KLHDC2: variants seen among roughly 807,000 people sequenced by gnomAD.
KLHDC2 encodes the protein kelch domain-containing protein 2.
KLHDC2 carries 38 observed loss-of-function variants against 62.3 expected under a neutral mutation model. The observed-to-expected ratio is 0.61, with a 90% confidence interval of 0.47 to 0.80. KLHDC2 has a LOEUF of 0.80. KLHDC2 is among the 30% of genes least tolerant of loss of function. The probability of loss-of-function intolerance (pLI) is 0.00; values close to 1 mark genes in which losing one functional copy is unlikely to be tolerated. For synonymous variants in KLHDC2, 159 were observed against 161.0 expected (o/e 0.99, Z 0.09); for missense variants, 430 against 495.3 (o/e 0.87, Z 1.25).
chr14:49,782,732 T>C, intron 12 of KLHDC2, 98 bp from the exon 13 acceptor site: 3 of 1,454,386 alleles, frequency 2.1e-6, no homozygotes, highest in Non-Finnish European at 2.8e-6. Context: ...TGAAAATCTT[T>C]GAAGAAAGAA....
At chr14:49,782,227 C>T in intron 10 of KLHDC2, 143 bp from the exon 11 acceptor site, 1 of 542,964 alleles carries the variant, frequency 1.8e-6, no homozygotes, top group Non-Finnish European at 3.3e-6. Flanking sequence ...GCTACTTTCC[C>T]TTAAGATTTT....
chr14:49,782,566 T>C lies in KLHDC2; in HGVS notation c.1069T>C (p.Phe357Leu). The C allele has an allele frequency of 6.2e-7, 1 of 1,607,244 alleles. No individual in the cohort carries two copies. The highest frequency in any genetic ancestry group is 8.5e-7 in the Non-Finnish European group (1 of 1,175,736). The change falls in exon 12 of 13, where the codon TTT (phenylalanine) becomes CTT (leucine). Residue 357 changes from phenylalanine (F) to leucine (L), a missense_variant. Physicochemically the swap from Phe to Leu is conservative, Grantham distance 22. Transcript: ENST00000298307. ...GGCACACAGTAATGAAATACTAATATTTTCAGTTCAACCAAAATCTCTTGT... is the reference window on the plus strand; with the variant it reads ...GGCACACAGTAATGAAATACTAATACTTTCAGTTCAACCAAAATCTCTTGT... ...RAAHSNEILI[F>L]SVQPKSLVRL...
chr14:49,772,932 G>C (rs1290858851), intron 2 of KLHDC2, among the ~76,000 whole-genome samples: 1 of 151,838 alleles, frequency 6.6e-6, no homozygotes, highest in African/African-American at 2.4e-5. Context: ...CTCCAGCCTG[G>C]GTAATACAGT....
At position 49,784,937 on chromosome 14, in the gene KLHDC2, G is replaced by C. The variant is rs1306805503; in HGVS notation, c.*1984G>C. The C allele has an allele frequency of 9.9e-6, 16 of 1,613,436 alleles. No homozygotes were observed. The highest frequency in any genetic ancestry group is 1.4e-5 in the Non-Finnish European group (16 of 1,179,646). On this transcript the variant is annotated 3_prime_UTR_variant, in exon 13 of 13. Transcript: ENST00000298307. Reference sequence around the variant, plus strand: ...AGGAGAACTTTACCTTTACGCTGCGGAATAAGTCTTTTTCTCTTGCTGTTG... The same window carrying C: ...AGGAGAACTTTACCTTTACGCTGCGCAATAAGTCTTTTTCTCTTGCTGTTG...
Position 49,778,184 on chromosome 14 carries a change from A to G in KLHDC2, c.474A>G (p.Ile158Met). The G allele has an allele frequency of 6.3e-7, 1 of 1,598,410 alleles. No homozygotes were observed. The highest frequency in any genetic ancestry group is 8.5e-7 in the Non-Finnish European group (1 of 1,171,194). ...LGVWVYKNKL[I>M]FFGGYGYLPE... ...TTGGTTTTTCATCCAACAGGTTAATATTTTTTGGAGGGTATGGATATTTGC... is the reference window on the plus strand; with the variant it reads ...TTGGTTTTTCATCCAACAGGTTAATGTTTTTTGGAGGGTATGGATATTTGC... Residue 158 changes from isoleucine (I) to methionine (M), a missense_variant, in exon 5 of 13, where the codon ATA (isoleucine) becomes ATG (methionine). Ile to Met is a conservative substitution (Grantham distance 10, BLOSUM62 1). Transcript: ENST00000298307.
intron 6 of KLHDC2, among the ~76,000 whole-genome samples, 176 bp downstream of exon 6, chr14:49,778,670 A>C (rs1427352168): frequency 2.0e-5 from 3 of 152,088 alleles, no homozygotes; most frequent in African/African-American, 7.2e-5. Flanking sequence ...AGAACTCAGA[A>C]GTTTAATGAA....
chr14:49,779,568 A>T (rs368665122), intron 6 of KLHDC2, 27 bp from the exon 7 acceptor site: 2 of 1,585,716 alleles, frequency 1.3e-6, no homozygotes, highest in South Asian at 2.2e-5. Flanking sequence ...TAAAAAGTTC[A>T]CTAACTTGCT....
At chr14:49,768,903 T>C in intron 1 of KLHDC2, 1 of 410,056 alleles carries the variant, frequency 2.4e-6, no homozygotes, top group Non-Finnish European at 4.4e-6. Context: ...TGGAGCGTTA[T>C]TCCGGGGAAG....
chr14:49,773,413 CAAAAAAAA>C (rs34740472), intron 2 of KLHDC2, among the ~76,000 whole-genome samples: 3 of 70,130 alleles, frequency 4.3e-5, no homozygotes, highest in African/African-American at 1.8e-4. Context: ...GACTCCATCT[CAAAAAAAA>C]AAAAAAAAAA....
At chr14:49,768,660 T>C in intron 1 of KLHDC2, 39 bp downstream of exon 1, 4 of 1,529,188 alleles carry the variant, frequency 2.6e-6, no homozygotes, top group Non-Finnish European at 3.5e-6. Flanking sequence ...GTCGCTCGGC[T>C]GTGACTCGGG....
intron 3 of KLHDC2, among the ~76,000 whole-genome samples, chr14:49,775,243 GCTTA>G (rs1414325659): frequency 2.6e-5 from 4 of 152,120 alleles, no homozygotes; most frequent in Admixed American, 6.5e-5. Flanking sequence ...ATATATTAGC[GCTTA>G]CTGAGTTGCC....
Position 49,778,252 on chromosome 14 carries a change from C to A in KLHDC2, c.542C>A (p.Ser181Tyr). 1 of 1,600,966 alleles carries A rather than the reference C, an allele frequency of 6.2e-7. No homozygotes were observed. Among genetic ancestry groups the A allele is most frequent in the Non-Finnish European group, 8.6e-7 (1 of 1,169,528 alleles). ...VLGTFEFDET[S>Y]FWNSSHPRGW... Reference sequence around the variant, plus strand: ...GGAACTTTTGAATTCGATGAAACATCTTTTTGGGTAAGTGAAGTTTCATAT... The same window carrying A: ...GGAACTTTTGAATTCGATGAAACATATTTTTGGGTAAGTGAAGTTTCATAT... The change falls in exon 5 of 13, where the codon TCT becomes TAT. Residue 181 changes from serine to tyrosine, a missense_variant. Transcript: ENST00000298307.
rs35010591 is a variant in KLHDC2 at position 49,783,369 on chromosome 14, GT to G, written c.*427del. ...GTGTTGTAAATACAATATAATAAAGGTTTTTTTTTTTAAACATTAATATTCA... is the reference window on the plus strand; with the variant it reads ...GTGTTGTAAATACAATATAATAAAGGTTTTTTTTTTAAACATTAATATTCA... On this transcript the variant is annotated 3_prime_UTR_variant, in exon 13 of 13. Coordinates refer to ENST00000298307, the MANE Select transcript of KLHDC2 (RefSeq NM_014315.3). The G allele has an allele frequency of 0.84, 125,378 of 150,132 alleles. 52,830 individuals carry two copies. The highest frequency in any genetic ancestry group is 0.93 in the Middle Eastern group (272 of 294). 9.3% of individuals were successfully genotyped at this position (150,132 alleles called of 1,614,324 possible).
Position 49,785,553 on chromosome 14 carries a change from CAAT to C in KLHDC2, c.*2604_*2606del, listed in dbSNP as rs1225870011. ...TGCCTAGCATAATAAGTAATGAGAA[CAAT>C]AATTTTCAAAATCCTACCTACAGTT... is the stretch of plus-strand genomic sequence containing the variant. On this transcript the variant is annotated 3_prime_UTR_variant, in exon 13 of 13. Transcript: ENST00000298307. 4 of 425,652 alleles carry C rather than the reference CAAT, an allele frequency of 9.4e-6. No individual in the cohort carries two copies. Among genetic ancestry groups the C allele is most frequent in the Non-Finnish European group, 1.7e-5 (4 of 231,024 alleles). The allele number at this position is 425,652 out of a possible 1,614,324, so 26.4% of individuals were successfully genotyped here.
rs765385108 is a variant in KLHDC2 at position 49,780,721 on chromosome 14, G to A, written c.902G>A (p.Cys301Tyr). ...KQPLSDAWTY[C>Y]ISKNEWIQFN... is the part of the protein sequence containing the mutation. ...GAATCAGGTGATGCCTGGACTTACT[G>A]CATCAGTAAAAATGAATGGATACAA... is the stretch of plus-strand genomic sequence containing the variant. Residue 301 changes from cysteine to tyrosine, a missense_variant, in exon 10 of 13, where the codon TGC becomes TAC. By Grantham distance (194) the Cys-to-Tyr change is radical (BLOSUM62 -2). Coordinates refer to ENST00000298307, the MANE Select transcript of KLHDC2 (RefSeq NM_014315.3). The A allele has an allele frequency of 2.5e-5, 41 of 1,608,944 alleles. No homozygotes were observed. The highest frequency in any genetic ancestry group is 3.3e-4 in the Middle Eastern group (2 of 6,048).
Position 49,783,014 on chromosome 14 carries a change from A to G in KLHDC2, c.*61A>G, listed in dbSNP as rs1186446283. The G allele has an allele frequency of 1.9e-6, 3 of 1,539,176 alleles. No individual in the cohort carries two copies. In the African/African-American group the frequency reaches 4.1e-5, roughly 21 times the overall value. On this transcript the variant is annotated 3_prime_UTR_variant, in exon 13 of 13. Transcript: ENST00000298307. ...GACAGCAATCCTGTAAACATCACAGAGTGGCATCATTTGTATAATTATATG... is the reference window on the plus strand; with the variant it reads ...GACAGCAATCCTGTAAACATCACAGGGTGGCATCATTTGTATAATTATATG...
At position 49,779,837 on chromosome 14, in the gene KLHDC2, A is replaced by T. The variant is rs376653953; in HGVS notation, c.773+31A>T. The T allele has an allele frequency of 2.0e-5, 30 of 1,531,500 alleles. No individual in the cohort carries two copies. In the African/African-American group the frequency reaches 2.3e-4, roughly 12 times the overall value. 94.9% of individuals were successfully genotyped at this position (1,531,500 alleles called of 1,614,324 possible). ...TATCACTTTAGATACATTTTTCCAAAATTCAGATTGTTTTTACCCTATATT... is the reference window on the plus strand; with the variant it reads ...TATCACTTTAGATACATTTTTCCAATATTCAGATTGTTTTTACCCTATATT... On this transcript the variant is annotated intron_variant, in intron 8 of 12. Transcript: ENST00000298307.
intron 1 of KLHDC2, 51 bp from the exon 2 acceptor site, chr14:49,771,543 G>A (rs367820261): frequency 1.0e-5 from 8 of 798,672 alleles, no homozygotes; most frequent in Non-Finnish European, 1.5e-5. Context: ...AAATACAGTA[G>A]TGCCTCTTTA....
chr14:49,768,794 T>G, intron 1 of KLHDC2, 173 bp downstream of exon 1: 19 of 583,354 alleles, frequency 3.3e-5, no homozygotes, highest in Non-Finnish European at 4.3e-5. Context: ...GGAATCTTCC[T>G]TCTCTCGAGT....
Sources: gnomAD v4.1 joint callset for allele counts (sites outside exome capture counted in the v4.1 genomes callset) on GRCh38, gnomAD v4.1.1 for gene constraint, MANE v1.5 for transcripts, NCBI Gene and HGNC (gene_info 2026-07-23, HGNC 2026-07-21) for gene names.